SGPP1: variants seen among roughly 807,000 people sequenced by gnomAD.
SGPP1 encodes sphingosine-1-phosphate phosphatase 1.
SGPP1 carries 21 observed loss-of-function variants against 33.0 expected under a neutral mutation model. That is an observed-to-expected ratio of 0.64 (90% CI 0.45 to 0.92). The LOEUF (loss-of-function observed/expected upper bound fraction) is 0.92, where lower values mean the gene tolerates loss of function less well. Among genes scored for constraint, SGPP1 ranks in the 40% least tolerant of loss-of-function variants. The probability of loss-of-function intolerance (pLI) is 0.00; values close to 1 mark genes in which losing one functional copy is unlikely to be tolerated. For missense variants in SGPP1, 543 were observed against 589.4 expected, an observed-to-expected ratio of 0.92 and a Z score of 0.81; for synonymous variants, 239 against 241.2, an observed-to-expected ratio of 0.99 and a Z score of 0.08.
intron 2 of SGPP1, among the ~76,000 whole-genome samples, chr14:63,698,012 A>G (rs543925028): frequency 1.3e-5 from 2 of 152,328 alleles, no homozygotes; most frequent in East Asian, 3.9e-4. Flanking sequence ...GAGGAGGGAA[A>G]GTGAATGGGT....
intron 1 of SGPP1, among the ~76,000 whole-genome samples, chr14:63,714,205 T>C (rs1019295036): frequency 6.6e-6 from 1 of 152,214 alleles, no homozygotes; most frequent in African/African-American, 2.4e-5. Context: ...GTGATGTACA[T>C]CTGCATTTGT....
At chr14:63,705,410 G>T (rs1595066518) in intron 1 of SGPP1, among the ~76,000 whole-genome samples, 1 of 151,468 alleles carries the variant, frequency 6.6e-6, no homozygotes, top group African/African-American at 2.4e-5. Context: ...GCTCACACTT[G>T]TAATCCCAGC....
intron 1 of SGPP1, among the ~76,000 whole-genome samples, chr14:63,722,408 G>A (rs1347871975): frequency 2.0e-5 from 3 of 150,248 alleles, no homozygotes; most frequent in African/African-American, 7.3e-5. Flanking sequence ...GGGCGTGCCT[G>A]TAATCCCAGC....
At chr14:63,718,994 A>T (rs1168550502) in intron 1 of SGPP1, among the ~76,000 whole-genome samples, 1 of 18,122 alleles carries the variant, frequency 5.5e-5, no homozygotes, top group Non-Finnish European at 1.1e-4. Context: ...ATATATATAT[A>T]TATATATATA....
At chr14:63,708,748 T>G (rs957338537) in intron 1 of SGPP1, among the ~76,000 whole-genome samples, 7 of 152,206 alleles carry the variant, frequency 4.6e-5, no homozygotes, top group African/African-American at 7.2e-5. Flanking sequence ...TATTAACCCA[T>G]GTAATCATCA....
intron 1 of SGPP1, among the ~76,000 whole-genome samples, chr14:63,718,917 G>A: frequency 8.2e-6 from 1 of 121,950 alleles, no homozygotes; most frequent in Middle Eastern, 5.0e-3. Flanking sequence ...TAAATACAAT[G>A]TTAAAATTAC....
chr14:63,690,592 GAATA>G (rs1304354441), intron 2 of SGPP1, among the ~76,000 whole-genome samples: 8 of 152,306 alleles, frequency 5.3e-5, no homozygotes, highest in East Asian at 1.9e-4. Flanking sequence ...ATGAATGAAT[GAATA>G]AACAAATCCT....
intron 1 of SGPP1, among the ~76,000 whole-genome samples, chr14:63,719,567 G>T (rs1362629146): frequency 6.6e-6 from 1 of 151,734 alleles, no homozygotes; most frequent in Non-Finnish European, 1.5e-5. Flanking sequence ...AAAACTAAAG[G>T]TATTGGAATA....
chr14:63,711,017 T>TTC (rs1197928421), intron 1 of SGPP1, among the ~76,000 whole-genome samples: 119 of 147,238 alleles, frequency 8.1e-4, no homozygotes, highest in African/African-American at 2.8e-3. Context: ...TTTTCTTTCT[T>TTC]TTTTTTTTTT....
chr14:63,711,356 C>A (rs1417586811), intron 1 of SGPP1, among the ~76,000 whole-genome samples: 2 of 152,100 alleles, frequency 1.3e-5, no homozygotes, highest in African/African-American at 2.4e-5. Context: ...TGGGAAAATT[C>A]TTTACATAAT....
At chr14:63,694,654 T>C (rs1282258791) in intron 2 of SGPP1, among the ~76,000 whole-genome samples, 1 of 152,238 alleles carries the variant, frequency 6.6e-6, no homozygotes, top group African/African-American at 2.4e-5. Context: ...GGCTATCATT[T>C]TGATATCAAT....
At position 63,685,410 on chromosome 14, in the gene SGPP1, GA is replaced by G. The variant is rs1194007365; in HGVS notation, c.*694del. 6.6e-6 allele frequency: 1 copy of G among 152,050 alleles called. No homozygotes were observed. Among genetic ancestry groups the G allele is most frequent in the East Asian group, 1.9e-4 (1 of 5,182 alleles). 9.4% of individuals were successfully genotyped at this position (152,050 alleles called of 1,614,324 possible). Reference sequence around the variant, plus strand: ...ACCTGAATTATTAAACTGACATCCAGAATAGCTGCAAATAAAGTTCATTCAA... The same window carrying G: ...ACCTGAATTATTAAACTGACATCCAGATAGCTGCAAATAAAGTTCATTCAA... On this transcript the variant is annotated 3_prime_UTR_variant, in exon 3 of 3. Transcript: ENST00000247225.
At chr14:63,701,092 T>C (rs982759041) in intron 1 of SGPP1, among the ~76,000 whole-genome samples, 3 of 152,144 alleles carry the variant, frequency 2.0e-5, no homozygotes, top group Non-Finnish European at 2.9e-5. Context: ...GCGACCCTCC[T>C]ACCTCAGCCT....
At chr14:63,687,108 C>G (rs999293866) in intron 2 of SGPP1, among the ~76,000 whole-genome samples, 2 of 152,096 alleles carry the variant, frequency 1.3e-5, no homozygotes, top group African/African-American at 4.8e-5. Flanking sequence ...TGAGTGCCAA[C>G]CCCTATTTTA....
intron 1 of SGPP1, among the ~76,000 whole-genome samples, chr14:63,720,845 C>G (rs1363016561): frequency 1.3e-5 from 2 of 152,144 alleles, no homozygotes; most frequent in East Asian, 3.9e-4. Flanking sequence ...AGATGTCTAA[C>G]ACTGAATCCT....
chr14:63,719,122 G>A (rs1198996989), intron 1 of SGPP1, among the ~76,000 whole-genome samples: 1 of 138,420 alleles, frequency 7.2e-6, no homozygotes, highest in African/African-American at 2.7e-5. Flanking sequence ...ATGCCTCCCA[G>A]GTTCAAGCGA....
intron 1 of SGPP1, among the ~76,000 whole-genome samples, chr14:63,700,973 T>C (rs1047310491): frequency 9.2e-5 from 14 of 152,168 alleles, no homozygotes. Context: ...CATAATGGAT[T>C]TGTAACACAA....
chr14:63,685,351 G>A lies in SGPP1; in HGVS notation c.*754C>T, dbSNP rs1015476806. 3 of 152,158 alleles carry A rather than the reference G, an allele frequency of 2.0e-5. No individual in the cohort carries two copies. The highest frequency in any genetic ancestry group is 7.3e-5 in the African/African-American group (3 of 41,310). The allele number at this position is 152,158 out of a possible 1,614,324, so 9.4% of individuals were successfully genotyped here. A position where few individuals can be genotyped will look rare whatever the true frequency, so the allele number is the denominator to read the frequency against. On this transcript the variant is annotated 3_prime_UTR_variant, in exon 3 of 3. Coordinates refer to ENST00000247225, the MANE Select transcript of SGPP1 (RefSeq NM_030791.4). ...ACATAGCATTTCTTAATTTAGCAAC[G>A]GAAAGGCACAATTAGCAAGCAATAA...
intron 1 of SGPP1, among the ~76,000 whole-genome samples, chr14:63,714,764 G>A (rs1379376746): frequency 2.7e-5 from 4 of 150,286 alleles, no homozygotes; most frequent in Admixed American, 2.7e-4. Context: ...TTTTGAGACA[G>A]GGTCTCACTG....
Sources: allele counts gnomAD v4.1 joint callset (sites outside exome capture counted in the v4.1 genomes callset), GRCh38; gene constraint gnomAD v4.1.1; transcripts MANE v1.5; gene names NCBI Gene and HGNC (gene_info 2026-07-23, HGNC 2026-07-21).